Variants in PLXNA2 observed in about 807,000 individuals in gnomAD.
PLXNA2 encodes the protein plexin A2.
PLXNA2 carries 91 observed loss-of-function variants against 193.5 expected under a neutral mutation model. The ratio of observed to expected loss-of-function variants is 0.47; its 90% CI spans 0.40 to 0.56. The LOEUF (loss-of-function observed/expected upper bound fraction) is 0.56, where lower values mean the gene tolerates loss of function less well. Among genes scored for constraint, PLXNA2 ranks in the 20% least tolerant of loss-of-function variants. The probability of loss-of-function intolerance (pLI) is 0.00; values close to 1 mark genes in which losing one functional copy is unlikely to be tolerated. For missense variants in PLXNA2, 1,995 were observed against 2,503.2 expected, an observed-to-expected ratio of 0.80 and a Z score of 4.33; for synonymous variants, 997 against 1,027.3, an observed-to-expected ratio of 0.97 and a Z score of 0.56.
At chr1:208,146,771 C>G (rs1668616323) in intron 3 of PLXNA2, among the ~76,000 whole-genome samples, 1 of 152,104 alleles carries the variant, frequency 6.6e-6, no homozygotes, top group Admixed American at 6.5e-5. Flanking sequence ...TGCACAGGTC[C>G]CAAAATCCAA....
At chr1:208,165,449 G>A (rs187062677) in intron 3 of PLXNA2, among the ~76,000 whole-genome samples, 1 of 152,316 alleles carries the variant, frequency 6.6e-6, no homozygotes, top group Admixed American at 6.5e-5. Flanking sequence ...CTTGCCCAAA[G>A]TCACACATCT....
At chr1:208,165,030 C>G (rs1434309258) in intron 3 of PLXNA2, among the ~76,000 whole-genome samples, 1 of 152,160 alleles carries the variant, frequency 6.6e-6, no homozygotes, top group Non-Finnish European at 1.5e-5. Flanking sequence ...TCTCTTGTGC[C>G]CCCTGTTTGA....
At chr1:208,234,628 C>T (rs988650833) in intron 1 of PLXNA2, among the ~76,000 whole-genome samples, 10 of 152,314 alleles carry the variant, frequency 6.6e-5, no homozygotes, top group Middle Eastern at 3.4e-3. Flanking sequence ...AGCTTGGGCT[C>T]CTGGACTCCA....
intron 3 of PLXNA2, among the ~76,000 whole-genome samples, chr1:208,182,469 A>G (rs2102549313): frequency 6.6e-6 from 1 of 152,188 alleles, no homozygotes; most frequent in African/African-American, 2.4e-5. Context: ...GAAAAAAGAA[A>G]TCAGAACCAC....
chr1:208,145,222 T>C (rs1668568879), intron 3 of PLXNA2, among the ~76,000 whole-genome samples: 1 of 152,216 alleles, frequency 6.6e-6, no homozygotes, highest in Admixed American at 6.5e-5. Flanking sequence ...TGCCTGAGTC[T>C]GAACTGTGCC....
intron 2 of PLXNA2, among the ~76,000 whole-genome samples, chr1:208,213,711 C>T (rs1671035467): frequency 1.3e-5 from 2 of 152,164 alleles, no homozygotes. Flanking sequence ...CCTCTAAGGC[C>T]ACCAAAATAT....
In PLXNA2 at chr1:208,204,434, ATGT is replaced by A. The variant is rs928895370; in HGVS notation, c.1371+5843_1371+5845del. On this transcript the variant is annotated intron_variant, in intron 3 of 31. Coordinates refer to ENST00000367033, the MANE Select transcript of PLXNA2 (RefSeq NM_025179.4). ...AGATTACCACCCCACCCTCTTCCAG[ATGT>A]TGTTAACCAGAAAACAAACTCCTTT... Among the ~76,000 whole-genome samples the A allele has an allele frequency of 5.9e-5, 9 of 152,230 alleles. 1 individual carries two copies. The highest frequency in any genetic ancestry group is 2.2e-4 in the African/African-American group (9 of 41,544).
chr1:208,198,775 G>T (rs1184182529), intron 3 of PLXNA2, among the ~76,000 whole-genome samples: 1 of 152,218 alleles, frequency 6.6e-6, no homozygotes, highest in Non-Finnish European at 1.5e-5. Context: ...TGGAAGCGTA[G>T]AGAAGTTCAA....
chr1:208,186,717 T>TTTG (rs138123658), intron 3 of PLXNA2, among the ~76,000 whole-genome samples: 5 of 136,302 alleles, frequency 3.7e-5, no homozygotes, highest in African/African-American at 6.3e-5. Flanking sequence ...TATTTTATTT[T>TTTG]TTTTTTTTTT....
intron 3 of PLXNA2, among the ~76,000 whole-genome samples, chr1:208,197,092 G>T (rs1030089500): frequency 6.6e-6 from 1 of 152,144 alleles, no homozygotes; most frequent in African/African-American, 2.4e-5. Context: ...CCAAGGTCAC[G>T]TACTTAGTAA....
intron 9 of PLXNA2, among the ~76,000 whole-genome samples, chr1:208,089,930 G>C (rs926115555): frequency 1.3e-5 from 2 of 152,148 alleles, no homozygotes; most frequent in African/African-American, 4.8e-5. Context: ...AGTTGGGCAT[G>C]TGCATCTTTG....
intron 1 of PLXNA2, among the ~76,000 whole-genome samples, chr1:208,237,154 A>G (rs966002436): frequency 2.7e-4 from 41 of 152,282 alleles, no homozygotes; most frequent in African/African-American, 9.1e-4. Context: ...ACCTTTCTCT[A>G]TTAGTATCCC....
At chr1:208,076,810 A>G (rs1269911256) in intron 12 of PLXNA2, among the ~76,000 whole-genome samples, 2 of 152,230 alleles carry the variant, frequency 1.3e-5, no homozygotes, top group Non-Finnish European at 2.9e-5. Context: ...AATATTAATA[A>G]GGCACGTTTA....
Position 208,038,093 on chromosome 1 carries a change from T to A in PLXNA2, c.4764+278A>T, listed in dbSNP as rs1392957458. On this transcript the variant is annotated intron_variant, in intron 26 of 31. Transcript: ENST00000367033. This position sits in a 1 kb window ranked among gnomAD's most constrained non-coding sequence, Gnocchi z 4.1. Reference sequence around the variant, plus strand: ...TTGTTGTTGTTTTGTTTTGTTTTTTTGCAAATGTAGAGGTACACAGAATAG... The same window carrying A: ...TTGTTGTTGTTTTGTTTTGTTTTTTAGCAAATGTAGAGGTACACAGAATAG... Among the ~76,000 whole-genome samples the A allele has an allele frequency of 2.6e-5, 4 of 152,218 alleles. No homozygotes were observed. Among genetic ancestry groups the A allele is most frequent in the Non-Finnish European group, 4.4e-5 (3 of 68,028 alleles).
chr1:208,083,495 G>A (rs1666413797), intron 10 of PLXNA2, among the ~76,000 whole-genome samples: 1 of 151,152 alleles, frequency 6.6e-6, no homozygotes, highest in Non-Finnish European at 1.5e-5. Context: ...TTCTCATCCT[G>A]CCTTCCCCTT....
intron 12 of PLXNA2, among the ~76,000 whole-genome samples, chr1:208,073,170 A>C (rs1244150463): frequency 1.3e-5 from 2 of 152,228 alleles, no homozygotes; most frequent in Non-Finnish European, 2.9e-5. Context: ...ATTAAAGAGA[A>C]GCAATTATCA....
At chr1:208,136,842 C>T (rs1546276) in intron 4 of PLXNA2, among the ~76,000 whole-genome samples, 1 of 152,110 alleles carries the variant, frequency 6.6e-6, no homozygotes, top group South Asian at 2.1e-4. Flanking sequence ...TTCTGAAGTT[C>T]CAAAGAAGTT....
chr1:208,175,007 C>G (rs1038953114), intron 3 of PLXNA2, among the ~76,000 whole-genome samples: 3 of 152,312 alleles, frequency 2.0e-5, no homozygotes, highest in African/African-American at 7.2e-5. Flanking sequence ...TCTGGGGGAG[C>G]TGGGACAGGT....
intron 9 of PLXNA2, among the ~76,000 whole-genome samples, chr1:208,085,822 T>C (rs1044802168): frequency 3.3e-5 from 5 of 152,204 alleles, no homozygotes; most frequent in Admixed American, 3.3e-4. Flanking sequence ...AGATGCCCTC[T>C]CCCTTACAGG....
Sources: allele counts gnomAD v4.1 joint callset (sites outside exome capture counted in the v4.1 genomes callset), GRCh38; gene constraint gnomAD v4.1.1; non-coding constraint Gnocchi (gnomAD v3.1); transcripts MANE v1.5; gene names NCBI Gene and HGNC (gene_info 2026-07-23, HGNC 2026-07-21).